NWD1: variants seen among roughly 807,000 people sequenced by gnomAD.
NWD1 encodes the protein NACHT domain- and WD repeat-containing protein 1.
Under a neutral mutation model 135.1 loss-of-function variants are expected in NWD1, and 129 were observed. That is an observed-to-expected ratio of 0.96 (90% CI 0.83 to 1.11). The LOEUF (loss-of-function observed/expected upper bound fraction) is 1.11. NWD1 is among the 50% of genes least tolerant of loss of function. The pLI is 0.00. For synonymous variants in NWD1, 773 were observed against 786.0 expected, an observed-to-expected ratio of 0.98 and a Z score of 0.28; for missense variants, 1,740 against 1,851.3, an observed-to-expected ratio of 0.94 and a Z score of 1.10.
Position 16,815,106 on chromosome 19 carries a change from C to G in NWD1, c.*67C>G. 1.4e-6 allele frequency: 2 copies of G among 1,469,058 alleles called. No homozygotes were observed. Among genetic ancestry groups the G allele is most frequent in the Non-Finnish European group, 1.9e-6 (2 of 1,047,778 alleles). 91.0% of individuals were successfully genotyped at this position (1,469,058 alleles called of 1,614,324 possible). A position where few individuals can be genotyped will look rare whatever the true frequency, so the allele number is the denominator to read the frequency against. ...ACCACCAGTGGCTTCATTGCCCCCA[C>G]CAGGCATGGTTATCTGATCCGAGAG... On this transcript the variant is annotated 3_prime_UTR_variant, in exon 19 of 19. Coordinates refer to ENST00000524140, the MANE Select transcript of NWD1 (RefSeq NM_001007525.5).
chr19:16,732,075 G>T (rs1391704786), intron 3 of NWD1, among the ~76,000 whole-genome samples: 1 of 151,952 alleles, frequency 6.6e-6, no homozygotes, highest in Non-Finnish European at 1.5e-5. Flanking sequence ...AAATTAGCCG[G>T]GCGTGGTGGC....
chr19:16,810,382 G>C (rs1970887609), intron 18 of NWD1, among the ~76,000 whole-genome samples: 1 of 147,382 alleles, frequency 6.8e-6, no homozygotes, highest in Non-Finnish European at 1.5e-5. Flanking sequence ...AGGCTGCAGT[G>C]AGCCGAGAAC....
chr19:16,756,925 G>A (rs989292527), intron 6 of NWD1, among the ~76,000 whole-genome samples: 9 of 152,052 alleles, frequency 5.9e-5, no homozygotes, highest in African/African-American at 9.7e-5. Flanking sequence ...TGGGAACTGC[G>A]CATATGAGGG....
At chr19:16,764,367 C>T (rs1214946690) in intron 9 of NWD1, among the ~76,000 whole-genome samples, 1 of 120,712 alleles carries the variant, frequency 8.3e-6, no homozygotes, top group Middle Eastern at 3.6e-3. Flanking sequence ...TTCTGTCCAT[C>T]CATCCATCCA....
At chr19:16,806,111 G>A (rs1160002241) in intron 17 of NWD1, among the ~76,000 whole-genome samples, 1 of 152,062 alleles carries the variant, frequency 6.6e-6, no homozygotes, top group Non-Finnish European at 1.5e-5. Flanking sequence ...GACCTCAGGT[G>A]ATCCATCCAC....
intron 10 of NWD1, among the ~76,000 whole-genome samples, chr19:16,769,545 T>C (rs1184495028): frequency 6.6e-6 from 1 of 152,108 alleles, no homozygotes; most frequent in African/African-American, 2.4e-5. Context: ...ATAATGACCT[T>C]TCCAGTACTG....
intron 7 of NWD1, 37 bp from the exon 8 acceptor site, chr19:16,761,942 T>C: frequency 6.4e-7 from 1 of 1,567,504 alleles, no homozygotes; most frequent in Non-Finnish European, 8.7e-7. Flanking sequence ...GCTTGATGGG[T>C]CACCCAGGTC....
At chr19:16,797,290 C>G (rs182775852) in intron 15 of NWD1, among the ~76,000 whole-genome samples, 4 of 151,804 alleles carry the variant, frequency 2.6e-5, no homozygotes, top group South Asian at 2.1e-4. Context: ...CGTCCTGGAT[C>G]CCTTCTCCTG....
chr19:16,725,879 T>A (rs1213079835), intron 2 of NWD1, among the ~76,000 whole-genome samples: 3 of 151,758 alleles, frequency 2.0e-5, no homozygotes, highest in Admixed American at 6.6e-5. Context: ...GCTCATGCAA[T>A]CCTCCCATCT....
At chr19:16,729,592 A>AC (rs1243339698) in intron 2 of NWD1, among the ~76,000 whole-genome samples, 1 of 151,700 alleles carries the variant, frequency 6.6e-6, no homozygotes, top group Non-Finnish European at 1.5e-5. Context: ...AAAAAAAAAA[A>AC]ATAGGCTGGG....
intron 12 of NWD1, among the ~76,000 whole-genome samples, chr19:16,783,753 A>G (rs181509195): frequency 2.0e-5 from 3 of 151,984 alleles, no homozygotes; most frequent in African/African-American, 7.2e-5. Flanking sequence ...AAATAAATAC[A>G]ATTTTTACAA....
At position 16,791,552 on chromosome 19, in the gene NWD1, C is replaced by G; in HGVS notation, c.3143C>G (p.Pro1048Arg). The G allele has an allele frequency of 1.9e-6, 3 of 1,614,180 alleles. No homozygotes were observed. The highest frequency in any genetic ancestry group is 1.7e-6 in the Non-Finnish European group (2 of 1,180,030). Reference sequence around the variant, plus strand: ...ATGTCCAGCATCAAAGAAGAAACACCTACCTGTGCCGTCTCAGTCCAGAAG... The same window carrying G: ...ATGTCCAGCATCAAAGAAGAAACACGTACCTGTGCCGTCTCAGTCCAGAAG... ...QHMSSIKEET[P>R]TCAVSVQKQG... Residue 1048 changes from proline (P) to arginine (R), a missense_variant, in exon 14 of 19, where the codon CCT becomes CGT. Transcript: ENST00000524140.
At position 16,775,546 on chromosome 19, in the gene NWD1, G is replaced by A. The variant is rs989789499; in HGVS notation, c.2608+2223G>A. 7.9e-5 allele frequency among the ~76,000 whole-genome samples: 12 copies of A among 152,290 alleles called. No homozygotes were observed. The East Asian group carries it at 2.3e-3, about 29-fold the overall frequency. ...GGGGAATAGGAGAAGCAGATGGCAGGCCTCTTCATTTTAAGGGCACGACCT... is the reference window on the plus strand; with the variant it reads ...GGGGAATAGGAGAAGCAGATGGCAGACCTCTTCATTTTAAGGGCACGACCT... On this transcript the variant is annotated intron_variant, in intron 11 of 18. Coordinates refer to ENST00000524140, the MANE Select transcript of NWD1 (RefSeq NM_001007525.5).
Position 16,763,848 on chromosome 19 carries a change from G to T in NWD1, c.2154G>T (p.Trp718Cys). 1.2e-6 allele frequency: 2 copies of T among 1,613,814 alleles called. No individual in the cohort carries two copies. The highest frequency in any genetic ancestry group is 1.7e-5 in the Admixed American group (1 of 59,996). The change falls in exon 9 of 19, where the codon TGG (tryptophan) becomes TGT (cysteine). Residue 718 changes from tryptophan (W) to cysteine (C), a missense_variant. Coordinates refer to ENST00000524140, the MANE Select transcript of NWD1 (RefSeq NM_001007525.5). ...GCCAGGTGGCCCCGCAGCCTCTGTG[G>T]TTCTCACATACGGTTGCAAACCTGC... is the stretch of plus-strand genomic sequence containing the variant. ...LDRKVAPQPL[W>C]FSHTVANLRK...
chr19:16,802,332 C>T (rs933243815), intron 17 of NWD1, among the ~76,000 whole-genome samples: 1 of 151,140 alleles, frequency 6.6e-6, no homozygotes, highest in Non-Finnish European at 1.5e-5. Flanking sequence ...TGGTGATATT[C>T]ACCTGTAGTC....
rs1488886729 is a variant in NWD1, at chr19:16,779,399, G to A, written c.2665G>A (p.Asp889Asn). The change falls in exon 12 of 19, where the codon GAT (aspartate) becomes AAT (asparagine). Residue 889 changes from aspartate to asparagine, a missense_variant. Coordinates refer to ENST00000524140, the MANE Select transcript of NWD1 (RefSeq NM_001007525.5). Reference protein sequence around the residue: ...EEKLLVIGTQDGIMAVWDMEE... With the variant: ...EEKLLVIGTQNGIMAVWDMEE... The stretch of plus-strand genomic sequence containing the variant: ...GAAGCTGCTGGTGATTGGCACCCAG[G>A]ATGGCATCATGGCTGTGTGGGACAT... The A allele has an allele frequency of 1.9e-6, 3 of 1,613,758 alleles. No homozygotes were observed. Among genetic ancestry groups the A allele is most frequent in the African/African-American group, 2.7e-5 (2 of 74,912 alleles).
Position 16,731,237 on chromosome 19 carries a change from A to C in NWD1, c.40A>C (p.Lys14Gln), listed in dbSNP as rs1599425314. 1 of 1,535,286 alleles carries C rather than the reference A, an allele frequency of 6.5e-7. No homozygotes were observed. The highest frequency in any genetic ancestry group is 2.4e-5 in the East Asian group (1 of 40,922). The change falls in exon 3 of 19, where the codon AAG becomes CAG. Residue 14 changes from lysine to glutamine, a missense_variant. Lys to Gln is a moderately conservative substitution (Grantham distance 53, BLOSUM62 1). Coordinates refer to ENST00000524140, the MANE Select transcript of NWD1 (RefSeq NM_001007525.5). ...GCCCTGCAGAGCACTGCCTACCCTG[A>C]AGTGCCAGACCTTCTGCCAGAGGCA... ...GKPCRALPTL[K>Q]CQTFCQRHGL...
chr19:16,805,814 TC>T (rs532194171), intron 17 of NWD1, among the ~76,000 whole-genome samples: 264 of 152,258 alleles, frequency 1.7e-3, no homozygotes, highest in African/African-American at 5.8e-3. Context: ...AAATCAGGAT[TC>T]CTTTCTCCTA....
chr19:16,800,813 A>G (rs1389999296), intron 17 of NWD1, among the ~76,000 whole-genome samples: 1 of 152,102 alleles, frequency 6.6e-6, no homozygotes, highest in Non-Finnish European at 1.5e-5. Context: ...TACAGTTCGG[A>G]GGTTTGGCCC....
Sources: gnomAD v4.1 joint callset for allele counts (sites outside exome capture counted in the v4.1 genomes callset) on GRCh38, gnomAD v4.1.1 for gene constraint, MANE v1.5 for transcripts, NCBI Gene and HGNC (gene_info 2026-07-23, HGNC 2026-07-21) for gene names.